Variants in RBFA observed in about 807,000 individuals in gnomAD.
RBFA encodes putative ribosome-binding factor A, mitochondrial.
A neutral mutation model predicts 27.9 loss-of-function variants in RBFA; 16 were observed. The ratio of observed to expected loss-of-function variants is 0.57; its 90% CI spans 0.39 to 0.87. RBFA has a LOEUF of 0.87. Among genes scored for constraint, RBFA ranks in the 40% least tolerant of loss-of-function variants. The pLI is 0.00. For synonymous variants in RBFA, 181 were observed against 181.0 expected (o/e 1.00, Z 0.00); for missense variants, 456 against 432.1 (o/e 1.06, Z -0.49).
intron 5 of RBFA, 97 bp from the exon 6 acceptor site, chr18:80,044,115 G>T: frequency 2.0e-6 from 2 of 978,818 alleles, no homozygotes; most frequent in Non-Finnish European, 3.3e-6. Context: ...CTGATCAAAA[G>T]CTCTGCAGTC....
intron 6 of RBFA, among the ~76,000 whole-genome samples, chr18:80,044,588 C>G (rs1193592434): frequency 6.6e-6 from 1 of 152,250 alleles, no homozygotes; most frequent in Non-Finnish European, 1.5e-5. Flanking sequence ...GTGCCAAGCC[C>G]TGGTCAAGCA....
chr18:80,039,860 G>C (rs527890795), intron 4 of RBFA, among the ~76,000 whole-genome samples: 3 of 152,192 alleles, frequency 2.0e-5, no homozygotes, highest in Non-Finnish European at 2.9e-5. Context: ...TAATGTAGCA[G>C]AGTGTGACAG....
intron 6 of RBFA, among the ~76,000 whole-genome samples, chr18:80,045,524 G>A (rs918811573): frequency 6.6e-5 from 10 of 152,034 alleles, no homozygotes; most frequent in South Asian, 2.1e-4. Flanking sequence ...CGTGCCCGGC[G>A]CAAATGCATT....
intron 1 of RBFA, chr18:80,034,860 G>A (rs555883722): frequency 1.9e-6 from 1 of 528,264 alleles, no homozygotes; most frequent in South Asian, 2.9e-5. Context: ...AGAAAACAAA[G>A]TGACAATGTG....
At chr18:80,041,531 C>G (rs1476634527) in intron 4 of RBFA, 1 of 152,170 alleles carries the variant, frequency 6.6e-6, no homozygotes, top group Admixed American at 6.5e-5. Flanking sequence ...ACCCTGGAGC[C>G]CAAGGCTACG....
At chr18:80,045,408 G>C (rs1916974816) in intron 6 of RBFA, among the ~76,000 whole-genome samples, 2 of 151,988 alleles carry the variant, frequency 1.3e-5, no homozygotes, top group African/African-American at 2.4e-5. Context: ...TGTATTTTTA[G>C]TAGAGACAGG....
At chr18:80,037,777 T>C (rs1369254309) in intron 3 of RBFA, among the ~76,000 whole-genome samples, 1 of 152,040 alleles carries the variant, frequency 6.6e-6, no homozygotes, top group African/African-American at 2.4e-5. Flanking sequence ...TAGTCCCAGC[T>C]ACTCGGGCGG....
intron 6 of RBFA, 84 bp from the exon 7 acceptor site, chr18:80,045,690 T>C: frequency 7.1e-7 from 1 of 1,418,130 alleles, no homozygotes; most frequent in Non-Finnish European, 9.4e-7. Context: ...GTAGGAAGTG[T>C]GATGTGCTGT....
chr18:80,036,682 A>G lies in RBFA; in HGVS notation c.173A>G (p.Tyr58Cys), dbSNP rs369550835. ...FASKTKKKVW[Y>C]ESPSLGSHST... ...TCTCCCCAAAGAAAAAAGGTTTGGT[A>G]TGAAAGTCCTTCCTTGGGTTCTCAC... Residue 58 changes from tyrosine to cysteine, a missense_variant, in exon 2 of 7, where the codon TAT becomes TGT. By Grantham distance (194) the Tyr-to-Cys change is radical. Coordinates refer to ENST00000306735, the MANE Select transcript of RBFA (RefSeq NM_024805.3). 8 of 1,612,686 alleles carry G rather than the reference A, an allele frequency of 5.0e-6. No individual in the cohort carries two copies. Among genetic ancestry groups the G allele is most frequent in the African/African-American group, 1.3e-5 (1 of 74,914 alleles).
chr18:80,036,749 G>T, intron 2 of RBFA, 39 bp downstream of exon 2: 1 of 1,519,584 alleles, frequency 6.6e-7, no homozygotes. Flanking sequence ...ATCTTGATGG[G>T]AGTGAGGGTT....
At chr18:80,035,796 G>A (rs904160874) in intron 1 of RBFA, 2 of 152,182 alleles carry the variant, frequency 1.3e-5, no homozygotes, top group African/African-American at 4.8e-5. Context: ...GAACTCATGG[G>A]TTATAATCCC....
rs747695789 is a variant in RBFA, at chr18:80,044,281, T to A, written c.646T>A (p.Phe216Ile). 1 of 1,613,794 alleles carries A rather than the reference T, an allele frequency of 6.2e-7. No individual in the cohort carries two copies. The highest frequency in any genetic ancestry group is 1.1e-5 in the South Asian group (1 of 91,076). ...DERDNFVQND[F>I]RDPDAPQPCG... is the part of the protein sequence containing the mutation. ...AAGAGACAACTTTGTACAAAATGAT[T>A]TCAGGTGACGCATGTGGACATATGT... The change falls in exon 6 of 7, where the codon TTC becomes ATC. Residue 216 changes from phenylalanine (F) to isoleucine (I), a missense_variant. Coordinates refer to ENST00000306735, the MANE Select transcript of RBFA (RefSeq NM_024805.3).
chr18:80,045,405 T>G (rs1019479692), intron 6 of RBFA, among the ~76,000 whole-genome samples: 2 of 152,066 alleles, frequency 1.3e-5, no homozygotes, highest in African/African-American at 4.8e-5. Context: ...TTTTGTATTT[T>G]TAGTAGAGAC....
intron 4 of RBFA, among the ~76,000 whole-genome samples, chr18:80,040,770 T>G (rs976228033): frequency 2.0e-5 from 3 of 152,060 alleles, no homozygotes; most frequent in African/African-American, 7.2e-5. Context: ...GCTTTTAGAG[T>G]TCTCAGTTTT....
At chr18:80,044,628 G>A (rs552444541) in intron 6 of RBFA, among the ~76,000 whole-genome samples, 5 of 152,366 alleles carry the variant, frequency 3.3e-5, no homozygotes, top group African/African-American at 7.2e-5. Context: ...TGGAACCTGC[G>A]TTTCATTAGG....
chr18:80,038,517 C>G lies in RBFA; in HGVS notation c.391C>G (p.Pro131Ala). The change falls in exon 4 of 7, where the codon CCA (proline) becomes GCA (alanine). Residue 131 changes from proline to alanine, a missense_variant. By Grantham distance (27) the Pro-to-Ala change is conservative (BLOSUM62 -1). Coordinates refer to ENST00000306735, the MANE Select transcript of RBFA (RefSeq NM_024805.3). ...NVELSKVSLT[P>A]DFSACRAYWK... ...GGCGGGGTCTCAGGTTTCCCTGACT[C>G]CAGACTTCTCAGCCTGCCGAGCGTA... 6.2e-7 allele frequency: 1 copy of G among 1,612,346 alleles called. No individual in the cohort carries two copies.
rs72972293 is a variant in RBFA at position 80,047,228 on chromosome 18, C to A, written c.*1073C>A. ...GGTGCCCACGGTGCAGGAGTAGAATCTGTGGAAGCAGCAGTGGCTTTAGTT... is the reference window on the plus strand; with the variant it reads ...GGTGCCCACGGTGCAGGAGTAGAATATGTGGAAGCAGCAGTGGCTTTAGTT... On this transcript the variant is annotated 3_prime_UTR_variant, in exon 7 of 7. Coordinates refer to ENST00000306735, the MANE Select transcript of RBFA (RefSeq NM_024805.3). 0.24 allele frequency: 36,197 copies of A among 152,316 alleles called. 5,616 individuals carry two copies. Among genetic ancestry groups the A allele is most frequent in the Non-Finnish European group, 0.35 (23,663 of 68,046 alleles). 9.4% of individuals were successfully genotyped at this position (152,316 alleles called of 1,614,324 possible).
chr18:80,036,268 G>A (rs753782517), intron 1 of RBFA, among the ~76,000 whole-genome samples: 2 of 152,146 alleles, frequency 1.3e-5, no homozygotes, highest in East Asian at 1.9e-4. Flanking sequence ...AATGGTGAGC[G>A]TGGCTCCCAC....
intron 2 of RBFA, 80 bp from the exon 3 acceptor site, chr18:80,037,250 T>C: frequency 3.2e-6 from 4 of 1,260,568 alleles, no homozygotes; most frequent in Non-Finnish European, 4.5e-6. Flanking sequence ...CATCCAGCCC[T>C]CCCCCAGCCC....
Sources: gnomAD v4.1 joint callset for allele counts (sites outside exome capture counted in the v4.1 genomes callset) on GRCh38, gnomAD v4.1.1 for gene constraint, MANE v1.5 for transcripts, NCBI Gene and HGNC (gene_info 2026-07-23, HGNC 2026-07-21) for gene names.